SPDL1: variants seen among roughly 807,000 people sequenced by gnomAD.
SPDL1 encodes the protein spindle apparatus coiled-coil protein 1.
A neutral mutation model predicts 79.5 loss-of-function variants in SPDL1; 85 were observed. That is an observed-to-expected ratio of 1.07 (90% confidence interval 0.90 to 1.28). The LOEUF is 1.28. Ranked by LOEUF, SPDL1 falls within the 50% of genes most tolerant of loss-of-function variation. The pLI is 0.00. For synonymous variants in SPDL1, 269 were observed against 240.3 expected, an observed-to-expected ratio of 1.12 and a Z score of -1.10; for missense variants, 703 against 697.8, an observed-to-expected ratio of 1.01 and a Z score of -0.08.
Position 169,591,098 on chromosome 5 carries a change from T to C in SPDL1, c.210T>C (p.Ser70=), listed in dbSNP as rs1755256298. 6.2e-7 allele frequency: 1 copy of C among 1,613,656 alleles called. No homozygotes were observed. Reference sequence around the variant, plus strand: ...TTCAAAGAGAAGTTGAACTCAAGAGTCGAATGTTAGAAAGTTTGAGCTGCG... The same window carrying C: ...TTCAAAGAGAAGTTGAACTCAAGAGCCGAATGTTAGAAAGTTTGAGCTGCG... The part of the protein sequence containing the change: ...YTLQREVELK[S]RMLESLSCEC... Residue 70 remains serine, a synonymous_variant, in exon 3 of 12, where the codon AGT becomes AGC. Coordinates refer to ENST00000265295, the MANE Select transcript of SPDL1 (RefSeq NM_017785.5).
At chr5:169,590,319 T>C (rs898580022) in intron 2 of SPDL1, among the ~76,000 whole-genome samples, 1 of 152,210 alleles carries the variant, frequency 6.6e-6, no homozygotes. Flanking sequence ...ATTACAAATA[T>C]CACTAATAGA....
chr5:169,587,355 T>C (rs1755041225), intron 1 of SPDL1: 1 of 152,212 alleles, frequency 6.6e-6, no homozygotes, highest in Non-Finnish European at 1.5e-5. Flanking sequence ...AATGACCTGG[T>C]GCCCTTTGAA....
At position 169,596,566 on chromosome 5, in the gene SPDL1, A is replaced by G. The variant is rs753195291; in HGVS notation, c.897A>G (p.Gln299=). 4.4e-6 allele frequency: 7 copies of G among 1,608,984 alleles called. No individual in the cohort carries two copies. Among genetic ancestry groups the G allele is most frequent in the East Asian group, 2.2e-5 (1 of 44,734 alleles). ...GGGTAATTTTATTTTTCTAGTTACA[A>G]ATTGCCACGTTGCTACAGATGAAAG... ...NREQMQRMKL[Q]IATLLQMKGS... Residue 299 remains glutamine (Q), a synonymous_variant, in exon 8 of 12, where the codon CAA becomes CAG. Coordinates refer to ENST00000265295, the MANE Select transcript of SPDL1 (RefSeq NM_017785.5).
chr5:169,594,774 G>A (rs1755506431), intron 7 of SPDL1, 93 bp downstream of exon 7: 3 of 756,494 alleles, frequency 4.0e-6, no homozygotes, highest in South Asian at 3.7e-5. Context: ...TTTTCTGCAA[G>A]GAGTGTACTT....
At chr5:169,603,347 A>C (rs930483759) in intron 11 of SPDL1, among the ~76,000 whole-genome samples, 4 of 152,124 alleles carry the variant, frequency 2.6e-5, no homozygotes. Flanking sequence ...CTACTAGTTG[A>C]AACTCAATTT....
At chr5:169,584,491 C>A (rs578244720) in intron 1 of SPDL1, among the ~76,000 whole-genome samples, 1 of 152,026 alleles carries the variant, frequency 6.6e-6, no homozygotes, top group Non-Finnish European at 1.5e-5. Context: ...TTTCAGTAAC[C>A]GATTAGGTGG....
intron 3 of SPDL1, among the ~76,000 whole-genome samples, chr5:169,592,602 A>G (rs1755352286): frequency 6.6e-6 from 1 of 152,150 alleles, no homozygotes; most frequent in Non-Finnish European, 1.5e-5. Flanking sequence ...GTAATATATA[A>G]TCATCTTGCA....
In SPDL1 at chr5:169,591,243, T is replaced by C. The variant is rs1357783409; in HGVS notation, c.336+19T>C. On this transcript the variant is annotated intron_variant, in intron 3 of 11. Transcript: ENST00000265295. ...AACTAAGGTTGGGATATCTGCGTATTTCAGCACAAAATATTCCATATTTAT... is the reference window on the plus strand; with the variant it reads ...AACTAAGGTTGGGATATCTGCGTATCTCAGCACAAAATATTCCATATTTAT... The C allele has an allele frequency of 6.2e-7, 1 of 1,605,162 alleles. No homozygotes were observed.
At chr5:169,589,639 T>C (rs1292194568) in intron 2 of SPDL1, among the ~76,000 whole-genome samples, 1 of 151,952 alleles carries the variant, frequency 6.6e-6, no homozygotes, top group Admixed American at 6.6e-5. Context: ...TAAATGTCAC[T>C]TCAGCGGAGA....
At position 169,591,040 on chromosome 5, in the gene SPDL1, GT is replaced by G; in HGVS notation, c.160-4del. 1.2e-6 allele frequency: 2 copies of G among 1,605,208 alleles called. No homozygotes were observed. Among genetic ancestry groups the G allele is most frequent in the Non-Finnish European group, 1.7e-6 (2 of 1,175,086 alleles). On this transcript the variant is annotated splice_region_variant and splice_polypyrimidine_tract_variant and intron_variant, in intron 2 of 11. Coordinates refer to ENST00000265295, the MANE Select transcript of SPDL1 (RefSeq NM_017785.5). ...ATGTAATTGAATTGTAATTGAATCT[GT>G]TTTCAGAGTTATGAACAAGAAAAAT...
intron 3 of SPDL1, among the ~76,000 whole-genome samples, chr5:169,592,568 A>G (rs1444463556): frequency 6.6e-6 from 1 of 152,134 alleles, no homozygotes; most frequent in East Asian, 1.9e-4. Context: ...TAAAACAAAC[A>G]TAGCTATCTA....
At chr5:169,602,413 G>A (rs1336855187) in intron 11 of SPDL1, among the ~76,000 whole-genome samples, 2 of 152,152 alleles carry the variant, frequency 1.3e-5, no homozygotes, top group African/African-American at 4.8e-5. Context: ...GATTGTTAGA[G>A]GCATTTAAAA....
rs752302635 is a variant in SPDL1, at chr5:169,594,195, A to G, written c.582A>G (p.Leu194=). 3 of 1,613,768 alleles carry G rather than the reference A, an allele frequency of 1.9e-6. No individual in the cohort carries two copies. The highest frequency in any genetic ancestry group is 1.7e-6 in the Non-Finnish European group (2 of 1,179,718). ...AACTACAATACAGACAAGAACAGCT[A>G]GAACTTCTTATTACTAACCTAATGC... is the stretch of plus-strand genomic sequence containing the variant. The part of the protein sequence containing the change: ...VNELQYRQEQ[L]ELLITNLMRQ... The change falls in exon 5 of 12, where the codon CTA becomes CTG. Residue 194 remains leucine (L), a synonymous_variant. Coordinates refer to ENST00000265295, the MANE Select transcript of SPDL1 (RefSeq NM_017785.5).
chr5:169,586,701 C>A (rs932646061), intron 1 of SPDL1, among the ~76,000 whole-genome samples: 2 of 152,146 alleles, frequency 1.3e-5, no homozygotes, highest in Admixed American at 1.3e-4. Context: ...TTATATCTTT[C>A]AGAAAATCAT....
chr5:169,596,687 C>T lies in SPDL1; in HGVS notation c.1018C>T (p.Leu340=). 6.3e-7 allele frequency: 1 copy of T among 1,595,030 alleles called. No homozygotes were observed. Among genetic ancestry groups the T allele is most frequent in the East Asian group, 2.3e-5 (1 of 44,338 alleles). Residue 340 remains leucine, a synonymous_variant, in exon 8 of 12, where the codon CTG becomes TTG. Coordinates refer to ENST00000265295, the MANE Select transcript of SPDL1 (RefSeq NM_017785.5). ...ACATCTTTTAGGTGAAATTAGAAAT[C>T]TGGAGAAATTTAAGGTATGTATAAC... ...IKHLLGEIRN[L]EKFKNLYDSM... is the part of the protein sequence containing the mutation.
At position 169,596,575 on chromosome 5, in the gene SPDL1, G is replaced by A. The variant is rs766145499; in HGVS notation, c.906G>A (p.Thr302=). Residue 302 remains threonine (T), a synonymous_variant, in exon 8 of 12, where the codon ACG becomes ACA. Transcript: ENST00000265295. ...TATTTTTCTAGTTACAAATTGCCAC[G>A]TTGCTACAGATGAAAGGGTCTCAAA... is the stretch of plus-strand genomic sequence containing the variant. ...QMQRMKLQIA[T]LLQMKGSQTE... is the part of the protein sequence containing the mutation. 338 of 1,610,230 alleles carry A rather than the reference G, an allele frequency of 2.1e-4. No homozygotes were observed. Among genetic ancestry groups the A allele is most frequent in the Non-Finnish European group, 2.7e-4 (323 of 1,178,804 alleles).
intron 8 of SPDL1, among the ~76,000 whole-genome samples, chr5:169,597,148 A>G (rs1177556330): frequency 3.9e-5 from 6 of 152,102 alleles, no homozygotes; most frequent in African/African-American, 1.4e-4. Context: ...AGGGTTTCCT[A>G]GCTCACCTGG....
chr5:169,601,522 G>C lies in SPDL1; in HGVS notation c.1567G>C (p.Asp523His). The change falls in exon 11 of 12, where the codon GAT becomes CAT. Residue 523 changes from aspartate to histidine, a missense_variant. Asp to His is a moderately conservative substitution (Grantham distance 81). Coordinates refer to ENST00000265295, the MANE Select transcript of SPDL1 (RefSeq NM_017785.5). ...CTCTCCTCACAAAAATCTGCCCGTG[G>C]ATATGCAGCTGAAGAAGGAAAAGAA... ...SLSPHKNLPV[D>H]MQLKKEKKCV... is the part of the protein sequence containing the mutation. 6.2e-7 allele frequency: 1 copy of C among 1,614,172 alleles called. No homozygotes were observed. Among genetic ancestry groups the C allele is most frequent in the Non-Finnish European group, 8.5e-7 (1 of 1,180,020 alleles).
chr5:169,593,396 GA>G lies in SPDL1; in HGVS notation c.383del (p.Lys128SerfsTer3). On this transcript the variant is annotated frameshift_variant, in exon 4 of 12. Transcript: ENST00000265295. LOFTEE classifies it high-confidence loss of function. ...KVELDEARLS[E>X]KQLKHQVDHQ... is the part of the protein sequence containing the mutation. ...GGAATTAGATGAAGCCAGGCTTAGT[GA>G]AAAGCAGCTGAAGCACCAAGTAGAT... 1 of 1,612,018 alleles carries G rather than the reference GA, an allele frequency of 6.2e-7. No individual in the cohort carries two copies. The highest frequency in any genetic ancestry group is 8.5e-7 in the Non-Finnish European group (1 of 1,179,420).
Sources: gnomAD v4.1 joint callset for allele counts (sites outside exome capture counted in the v4.1 genomes callset) on GRCh38, gnomAD v4.1.1 for gene constraint, MANE v1.5 for transcripts, NCBI Gene and HGNC (gene_info 2026-07-23, HGNC 2026-07-21) for gene names.